The following STXBP5L variants were observed in gnomAD, a reference collection of about 807,000 sequenced individuals.
STXBP5L encodes the protein syntaxin-binding protein 5-like.
STXBP5L carries 65 observed loss-of-function variants against 144.5 expected under a neutral mutation model. The observed-to-expected ratio is 0.45, with a 90% confidence interval of 0.37 to 0.55. STXBP5L has a LOEUF of 0.55. Among genes scored for constraint, STXBP5L ranks in the 20% least tolerant of loss-of-function variants. The probability of loss-of-function intolerance (pLI) is 0.00; values close to 1 mark genes in which losing one functional copy is unlikely to be tolerated. For missense variants in STXBP5L, 1,298 were observed against 1,405.5 expected (o/e 0.92, Z 1.22); for synonymous variants, 505 against 469.6 (o/e 1.08, Z -0.97).
chr3:121,316,443 T>C (rs1430036758), intron 19 of STXBP5L, among the ~76,000 whole-genome samples: 2 of 152,226 alleles, frequency 1.3e-5, no homozygotes, highest in African/African-American at 4.8e-5. Flanking sequence ...TTCTAACATA[T>C]ACATCATGCT....
intron 22 of STXBP5L, among the ~76,000 whole-genome samples, chr3:121,382,055 A>G (rs552101136): frequency 6.6e-6 from 1 of 152,194 alleles, no homozygotes; most frequent in East Asian, 1.9e-4. Flanking sequence ...CCAATGTTGT[A>G]AGTATTGTTG....
At chr3:121,077,875 G>T (rs1347801178) in intron 5 of STXBP5L, among the ~76,000 whole-genome samples, 1 of 152,134 alleles carries the variant, frequency 6.6e-6, no homozygotes, top group East Asian at 1.9e-4. Flanking sequence ...GCTGATTGGT[G>T]TGTTTACAAA....
chr3:121,037,628 T>C (rs571379542), intron 3 of STXBP5L, among the ~76,000 whole-genome samples: 2 of 152,282 alleles, frequency 1.3e-5, no homozygotes, highest in East Asian at 3.9e-4. Context: ...TCTTGTTTTA[T>C]GATATAGTTT....
At chr3:121,013,366 G>T (rs755864888) in intron 3 of STXBP5L, among the ~76,000 whole-genome samples, 1 of 151,876 alleles carries the variant, frequency 6.6e-6, no homozygotes, top group Non-Finnish European at 1.5e-5. Context: ...GTTATTTTCC[G>T]ACTTTTTAAT....
At chr3:121,176,677 A>C (rs2046950349) in intron 9 of STXBP5L, among the ~76,000 whole-genome samples, 2 of 151,914 alleles carry the variant, frequency 1.3e-5, no homozygotes, top group South Asian at 4.1e-4. Context: ...AGTCAATAAA[A>C]AGACAAAATC....
intron 19 of STXBP5L, among the ~76,000 whole-genome samples, chr3:121,301,566 G>T (rs9870873): frequency 0.099 from 15,120 of 152,136 alleles, 1,186 homozygotes; most frequent in Admixed American, 0.2. Context: ...GCCCTGGCCA[G>T]AACTTCCAAC....
chr3:121,093,088 A>T (rs974689664), intron 5 of STXBP5L, among the ~76,000 whole-genome samples: 18 of 152,204 alleles, frequency 1.2e-4, no homozygotes, highest in Non-Finnish European at 1.0e-4. Context: ...TGATTTGCAT[A>T]TATCGAACCA....
chr3:120,989,978 A>G (rs1178409680), intron 3 of STXBP5L, among the ~76,000 whole-genome samples: 1 of 152,124 alleles, frequency 6.6e-6, no homozygotes, highest in Non-Finnish European at 1.5e-5. Context: ...CAGGAGAAGG[A>G]AATAAAGGGT....
At chr3:121,414,177 T>C (rs1229269094) in intron 24 of STXBP5L, among the ~76,000 whole-genome samples, 1 of 152,068 alleles carries the variant, frequency 6.6e-6, no homozygotes, top group African/African-American at 2.4e-5. Flanking sequence ...ATATGCCTAA[T>C]ACTTGGCTAG....
intron 20 of STXBP5L, among the ~76,000 whole-genome samples, chr3:121,351,860 ATAAGGTGTAAG>A (rs981729467): frequency 6.6e-6 from 1 of 152,106 alleles, no homozygotes; most frequent in African/African-American, 2.4e-5. Flanking sequence ...GAATTTTTGT[ATAAGGTGTAAG>A]TAAGGGATCC....
At chr3:121,089,937 T>A (rs1038041941) in intron 5 of STXBP5L, among the ~76,000 whole-genome samples, 2 of 152,132 alleles carry the variant, frequency 1.3e-5, no homozygotes, top group Admixed American at 6.6e-5. Flanking sequence ...TTTTACTTAC[T>A]TTTTCTTTGC....
At chr3:121,362,976 T>C (rs370808278) in intron 20 of STXBP5L, among the ~76,000 whole-genome samples, 2 of 152,020 alleles carry the variant, frequency 1.3e-5, no homozygotes, top group East Asian at 3.9e-4. Flanking sequence ...ACTGGGTTCT[T>C]TCCTTCAAAG....
chr3:121,285,154 T>C (rs2051187653), intron 19 of STXBP5L, among the ~76,000 whole-genome samples: 3 of 152,112 alleles, frequency 2.0e-5, no homozygotes, highest in Admixed American at 2.0e-4. Context: ...GTTCCATTGA[T>C]TATCTATTCT....
intron 9 of STXBP5L, among the ~76,000 whole-genome samples, chr3:121,161,057 AATC>A (rs1379107246): frequency 8.6e-5 from 13 of 151,970 alleles, no homozygotes; most frequent in Non-Finnish European, 1.2e-4. Context: ...TTTTGCTTTA[AATC>A]ATCATGTCTT....
At chr3:121,371,870 A>G (rs2046040261) in intron 20 of STXBP5L, among the ~76,000 whole-genome samples, 1 of 152,218 alleles carries the variant, frequency 6.6e-6, no homozygotes, top group Non-Finnish European at 1.5e-5. Context: ...CTTGACTGCC[A>G]ATGCTTCAAC....
intron 3 of STXBP5L, among the ~76,000 whole-genome samples, chr3:120,973,276 A>G (rs901440474): frequency 2.0e-5 from 3 of 151,754 alleles, no homozygotes; most frequent in Non-Finnish European, 2.9e-5. Flanking sequence ...CTTGATTTCT[A>G]TTTCATCCTA....
At chr3:121,283,958 G>A (rs1200693158) in intron 19 of STXBP5L, among the ~76,000 whole-genome samples, 1 of 151,488 alleles carries the variant, frequency 6.6e-6, no homozygotes, top group Non-Finnish European at 1.5e-5. Flanking sequence ...ACATGGCTTT[G>A]TGGATTTTAC....
chr3:121,130,989 G>GA (rs1248116321), intron 7 of STXBP5L, among the ~76,000 whole-genome samples: 1 of 151,876 alleles, frequency 6.6e-6, no homozygotes, highest in Non-Finnish European at 1.5e-5. Context: ...CAGAAAGCTA[G>GA]AAAAACGATT....
Position 121,175,313 on chromosome 3 carries a change from A to G in STXBP5L, c.877+17686A>G, listed in dbSNP as rs759518969. ...TAACCATAGCAACAATAAACTCCAA[A>G]CCCACTGTAACTACTGGCTAGATTA... On this transcript the variant is annotated intron_variant, in intron 9 of 26. Transcript: ENST00000471454. Among the ~76,000 whole-genome samples the G allele has an allele frequency of 6.8e-4, 104 of 152,106 alleles. 1 individual carries two copies. The highest frequency in any genetic ancestry group is 1.4e-3 in the Non-Finnish European group (92 of 67,950).
Sources: allele counts gnomAD v4.1 joint callset (sites outside exome capture counted in the v4.1 genomes callset), GRCh38; gene constraint gnomAD v4.1.1; transcripts MANE v1.5; gene names NCBI Gene and HGNC (gene_info 2026-07-23, HGNC 2026-07-21).